The following RBMS3 variants were observed in gnomAD, a reference collection of about 807,000 sequenced individuals.
RBMS3 encodes RNA-binding motif, single-stranded-interacting protein 3.
RBMS3 carries 27 observed loss-of-function variants against 66.8 expected under a neutral mutation model. That is an observed-to-expected ratio of 0.40 (90% CI 0.30 to 0.56). RBMS3 has a LOEUF of 0.56. Among genes scored for constraint, RBMS3 ranks in the 20% least tolerant of loss-of-function variants. The pLI, the probability that RBMS3 is intolerant of heterozygous loss-of-function variation, is 0.40. For missense variants in RBMS3, 513 were observed against 549.5 expected, an observed-to-expected ratio of 0.93 and a Z score of 0.66; for synonymous variants, 188 against 183.0, an observed-to-expected ratio of 1.03 and a Z score of -0.22.
At chr3:29,776,455 T>C (rs2056430041) in intron 6 of RBMS3, among the ~76,000 whole-genome samples, 1 of 151,996 alleles carries the variant, frequency 6.6e-6, no homozygotes, top group African/African-American at 2.4e-5. Flanking sequence ...ACATGGTACA[T>C]GTATACATAT....
intron 4 of RBMS3, among the ~76,000 whole-genome samples, chr3:29,663,582 A>G (rs2050638531): frequency 6.6e-6 from 1 of 152,208 alleles, no homozygotes. Context: ...AGCATTGAGG[A>G]TTAAATTGAT....
At chr3:29,766,745 A>T (rs2055945027) in intron 6 of RBMS3, 1 of 151,976 alleles carries the variant, frequency 6.6e-6, no homozygotes, top group African/African-American at 2.4e-5. Context: ...CTAAATATAC[A>T]TGCCAAAAAT....
rs768579566 is a variant in RBMS3, at chr3:29,281,691, C to T, written c.10C>T (p.Arg4Cys). Residue 4 changes from arginine (R) to cysteine (C), a missense_variant, in exon 1 of 15, where the codon CGC (arginine) becomes TGC (cysteine). Arg to Cys is a radical substitution (Grantham distance 180, BLOSUM62 -3). Transcript: ENST00000383767. ...TAAAGATTCCAGCTACATGGGCAAACGCCTGGATCAGCCACAAATGTACCC... is the reference window on the plus strand; with the variant it reads ...TAAAGATTCCAGCTACATGGGCAAATGCCTGGATCAGCCACAAATGTACCC... Reference protein sequence around the residue: MGKRLDQPQMYPQY... With the variant: MGKCLDQPQMYPQY... The T allele has an allele frequency of 6.2e-7, 1 of 1,613,460 alleles. No homozygotes were observed. The highest frequency in any genetic ancestry group is 1.1e-5 in the South Asian group (1 of 91,044).
At chr3:29,711,084 A>T (rs555924792) in intron 4 of RBMS3, among the ~76,000 whole-genome samples, 1 of 152,252 alleles carries the variant, frequency 6.6e-6, no homozygotes, top group Admixed American at 6.5e-5. Context: ...TATGTATCCT[A>T]TGTGTTTTCC....
chr3:29,407,882 A>G (rs1053306497), intron 1 of RBMS3, among the ~76,000 whole-genome samples: 4 of 152,218 alleles, frequency 2.6e-5, no homozygotes, highest in Admixed American at 2.6e-4. Context: ...CTATTAATGA[A>G]AATAACATTA....
intron 4 of RBMS3, among the ~76,000 whole-genome samples, chr3:29,647,405 TAAAAAC>T (rs1175288357): frequency 2.0e-5 from 3 of 152,170 alleles, no homozygotes; most frequent in African/African-American, 2.4e-5. Flanking sequence ...CTCATCAAAT[TAAAAAC>T]AAAAACAAAA....
chr3:29,530,532 C>G (rs2045310696), intron 3 of RBMS3, among the ~76,000 whole-genome samples: 1 of 151,972 alleles, frequency 6.6e-6, no homozygotes, highest in South Asian at 2.1e-4. Flanking sequence ...AAGAGATGGA[C>G]TTGGCTAAAT....
intron 1 of RBMS3, among the ~76,000 whole-genome samples, chr3:29,300,668 A>T (rs1333121435): frequency 6.6e-6 from 1 of 151,952 alleles, no homozygotes; most frequent in African/African-American, 2.4e-5. Flanking sequence ...TGAGTTTTGG[A>T]GTTGCAGGCA....
At chr3:29,406,840 T>C (rs2040038305) in intron 1 of RBMS3, among the ~76,000 whole-genome samples, 1 of 152,234 alleles carries the variant, frequency 6.6e-6, no homozygotes, top group Non-Finnish European at 1.5e-5. Flanking sequence ...TTTGAAATTG[T>C]TAAGTAGTAA....
chr3:29,583,894 A>G (rs2047418656), intron 3 of RBMS3, among the ~76,000 whole-genome samples: 1 of 150,728 alleles, frequency 6.6e-6, no homozygotes, highest in Non-Finnish European at 1.5e-5. Flanking sequence ...TCAGGTGGGA[A>G]ATAGACACAC....
chr3:29,645,601 C>G (rs1271112433), intron 4 of RBMS3, among the ~76,000 whole-genome samples: 3 of 152,164 alleles, frequency 2.0e-5, no homozygotes, highest in African/African-American at 7.2e-5. Flanking sequence ...TTCCATTTTA[C>G]TGTATCATTC....
chr3:30,000,172 T>G, intron 14 of RBMS3, among the ~76,000 whole-genome samples: 1 of 152,006 alleles, frequency 6.6e-6, no homozygotes, highest in East Asian at 1.9e-4. Flanking sequence ...ATCCAGAATC[T>G]ACAAAGAACT....
chr3:29,893,056 G>C (rs1191134321), intron 8 of RBMS3, among the ~76,000 whole-genome samples: 1 of 151,198 alleles, frequency 6.6e-6, no homozygotes, highest in Non-Finnish European at 1.5e-5. Context: ...TTAAGCAGGG[G>C]TTTCCTGTAA....
chr3:29,598,939 T>TAAGTG (rs1247860402), intron 4 of RBMS3, among the ~76,000 whole-genome samples: 1 of 151,976 alleles, frequency 6.6e-6, no homozygotes, highest in Non-Finnish European at 1.5e-5. Context: ...CAAAGAGAAC[T>TAAGTG]AAGTGAAGTG....
At chr3:29,328,873 T>C (rs1315486710) in intron 1 of RBMS3, among the ~76,000 whole-genome samples, 6 of 152,168 alleles carry the variant, frequency 3.9e-5, no homozygotes, top group Non-Finnish European at 8.8e-5. Context: ...TATTGGATTA[T>C]TAATTCCAAG....
intron 10 of RBMS3, chr3:29,924,925 G>A (rs1219864712): frequency 6.6e-6 from 1 of 152,064 alleles, no homozygotes; most frequent in East Asian, 1.9e-4. Context: ...TCCTGACTGA[G>A]TTTTATGGCT....
intron 4 of RBMS3, among the ~76,000 whole-genome samples, chr3:29,606,914 T>G (rs1219075588): frequency 6.6e-6 from 1 of 152,032 alleles, no homozygotes; most frequent in Non-Finnish European, 1.5e-5. Context: ...AGTGAAATTT[T>G]TCTCATGTAA....
intron 4 of RBMS3, among the ~76,000 whole-genome samples, chr3:29,606,289 C>T (rs1456361094): frequency 6.6e-6 from 1 of 151,860 alleles, no homozygotes; most frequent in Non-Finnish European, 1.5e-5. Flanking sequence ...ACCTGATTCC[C>T]ATCAAGGTTT....
intron 8 of RBMS3, among the ~76,000 whole-genome samples, chr3:29,890,663 CA>C (rs1022853311): frequency 9.2e-5 from 14 of 151,468 alleles, no homozygotes; most frequent in African/African-American, 3.4e-4. Context: ...GACATATATA[CA>C]ATTGTAATAG....
Sources: allele counts gnomAD v4.1 joint callset (sites outside exome capture counted in the v4.1 genomes callset), GRCh38; gene constraint gnomAD v4.1.1; transcripts MANE v1.5; gene names NCBI Gene and HGNC (gene_info 2026-07-23, HGNC 2026-07-21).